The following LINGO2 variants were observed in gnomAD, a reference collection of about 807,000 sequenced individuals.
LINGO2 encodes leucine rich repeat and Ig domain containing 2, also known as leucine-rich repeat and immunoglobulin-like domain-containing nogo receptor-interacting protein 2.
LINGO2 carries 14 observed loss-of-function variants against 30.6 expected under a neutral mutation model. The ratio of observed to expected loss-of-function variants is 0.46; its 90% CI spans 0.30 to 0.72. The LOEUF (loss-of-function observed/expected upper bound fraction) is 0.72. Among genes scored for constraint, LINGO2 ranks in the 30% least tolerant of loss-of-function variants. The pLI, the probability that LINGO2 is intolerant of heterozygous loss-of-function variation, is 0.07. For missense variants in LINGO2, 729 were observed against 751.7 expected, an observed-to-expected ratio of 0.97 and a Z score of 0.35; for synonymous variants, 317 against 288.5, an observed-to-expected ratio of 1.10 and a Z score of -1.00.
At chr9:28,270,409 G>A (rs543816529) in intron 4 of LINGO2, among the ~76,000 whole-genome samples, 160 of 152,034 alleles carry the variant, frequency 1.1e-3, no homozygotes, top group African/African-American at 3.7e-3. Flanking sequence ...ATGACCACCC[G>A]GGGAAAGAAA....
At chr9:29,091,646 G>A in the LINGO2 span, among the ~76,000 whole-genome samples, 1 of 151,920 alleles carries the variant, frequency 6.6e-6, no homozygotes, top group Non-Finnish European at 1.5e-5. Flanking sequence ...GTACTTTACT[G>A]GAATTGGATA....
intron 4 of LINGO2, among the ~76,000 whole-genome samples, chr9:28,292,963 G>T (rs566422575): frequency 6.6e-6 from 1 of 151,774 alleles, no homozygotes; most frequent in Non-Finnish European, 1.5e-5. Flanking sequence ...TAGTAGAGAC[G>T]GGGTTTCACC....
chr9:28,254,731 AT>A (rs1344302185), intron 4 of LINGO2, among the ~76,000 whole-genome samples: 3 of 152,064 alleles, frequency 2.0e-5, no homozygotes, highest in Non-Finnish European at 4.4e-5. Flanking sequence ...TCAAACAACC[AT>A]TTTTTAAGCA....
At chr9:29,177,243 T>C in the LINGO2 span, among the ~76,000 whole-genome samples, 5 of 152,316 alleles carry the variant, frequency 3.3e-5, no homozygotes, top group African/African-American at 1.2e-4. Flanking sequence ...TTATAGCACT[T>C]CTAGATTACA....
At chr9:28,038,553 C>T (rs898540178) in intron 4 of LINGO2, among the ~76,000 whole-genome samples, 1 of 151,984 alleles carries the variant, frequency 6.6e-6, no homozygotes, top group African/African-American at 2.4e-5. Flanking sequence ...ATTAGCCGGG[C>T]GTAGTGGTGG....
At chr9:28,927,768 T>A in the LINGO2 span, among the ~76,000 whole-genome samples, 1 of 152,244 alleles carries the variant, frequency 6.6e-6, no homozygotes, top group Admixed American at 6.5e-5. Flanking sequence ...TTATATATGT[T>A]AATTCATTTC....
At chr9:28,931,539 T>G in the LINGO2 span, among the ~76,000 whole-genome samples, 702 of 152,306 alleles carry the variant, frequency 4.6e-3, 2 homozygotes, top group Non-Finnish European at 6.5e-3. Flanking sequence ...TCTGGGGCTG[T>G]ACTTTCCACA....
the LINGO2 span, among the ~76,000 whole-genome samples, chr9:28,685,503 G>T: frequency 2.6e-5 from 4 of 152,104 alleles, no homozygotes; most frequent in African/African-American, 7.2e-5. Context: ...CATAGAAAAA[G>T]ATGTGTTTCT....
At chr9:28,933,476 C>A in the LINGO2 span, among the ~76,000 whole-genome samples, 1 of 151,548 alleles carries the variant, frequency 6.6e-6, no homozygotes, top group South Asian at 2.1e-4. Context: ...TTTCCCGGAG[C>A]TTTCAGATTT....
chr9:28,393,771 T>G (rs1164443917), intron 2 of LINGO2, among the ~76,000 whole-genome samples: 1 of 152,202 alleles, frequency 6.6e-6, no homozygotes, highest in Non-Finnish European at 1.5e-5. Flanking sequence ...GAGTTTGGTC[T>G]GCCCCAGTAT....
chr9:29,116,389 T>C, the LINGO2 span, among the ~76,000 whole-genome samples: 1 of 152,286 alleles, frequency 6.6e-6, no homozygotes, highest in Admixed American at 6.5e-5. Context: ...ATTTTAAAGA[T>C]AAAATCTTCC....
At chr9:29,097,315 CT>C in the LINGO2 span, among the ~76,000 whole-genome samples, 7,588 of 137,678 alleles carry the variant, frequency 0.055, 1,455 homozygotes, top group Non-Finnish European at 0.083. Context: ...TAGTTTTAAT[CT>C]TTTTTTGATG....
the LINGO2 span, among the ~76,000 whole-genome samples, chr9:29,122,800 G>A: frequency 3.3e-5 from 5 of 152,010 alleles, no homozygotes; most frequent in Admixed American, 6.6e-5. Context: ...AACAGCTCAC[G>A]TTCAACACAG....
intron 1 of LINGO2, among the ~76,000 whole-genome samples, chr9:28,496,273 C>T (rs879573088): frequency 3.0e-4 from 46 of 151,938 alleles, no homozygotes; most frequent in African/African-American, 1.0e-3. Flanking sequence ...TAAAGTCTCC[C>T]GTTATTATTG....
At chr9:28,565,144 A>G (rs1421056830) in intron 1 of LINGO2, among the ~76,000 whole-genome samples, 3 of 152,156 alleles carry the variant, frequency 2.0e-5, no homozygotes, top group Non-Finnish European at 4.4e-5. Flanking sequence ...TTTTGAGTTT[A>G]ATTTATAATA....
chr9:28,736,493 C>T, the LINGO2 span, among the ~76,000 whole-genome samples: 5 of 152,036 alleles, frequency 3.3e-5, no homozygotes, highest in Admixed American at 6.6e-5. Flanking sequence ...GATGATTAAA[C>T]AATAAAACAT....
At chr9:28,051,672 A>C (rs1824680887) in intron 4 of LINGO2, among the ~76,000 whole-genome samples, 1 of 152,108 alleles carries the variant, frequency 6.6e-6, no homozygotes. Context: ...GCCTAGGATT[A>C]AGCTAGATTC....
In LINGO2 at chr9:28,022,995, T is replaced by C. The variant is rs142288122; in HGVS notation, c.-86-10590A>G. Reference sequence around the variant, plus strand: ...CTCAAAGACATTTTTCATTCTATTTTTTATTTCTAGCATTTTGATTCTTTC... The same window carrying C: ...CTCAAAGACATTTTTCATTCTATTTCTTATTTCTAGCATTTTGATTCTTTC... On this transcript the variant is annotated intron_variant, in intron 4 of 5. Coordinates refer to ENST00000379992, the Ensembl canonical transcript of LINGO2. Among the ~76,000 whole-genome samples, 235 of 152,226 alleles carry C rather than the reference T, an allele frequency of 1.5e-3. 2 individuals carry two copies. Among genetic ancestry groups the C allele is most frequent in the Non-Finnish European group, 5.4e-4 (37 of 67,996 alleles).
intron 1 of LINGO2, among the ~76,000 whole-genome samples, chr9:28,556,091 A>C (rs569358651): frequency 6.6e-6 from 1 of 152,208 alleles, no homozygotes; most frequent in East Asian, 1.9e-4. Context: ...GGCACAAGAC[A>C]GGGATGCCCT....
Sources: gnomAD v4.1 joint callset for allele counts (sites outside exome capture counted in the v4.1 genomes callset) on GRCh38, gnomAD v4.1.1 for gene constraint, MANE v1.5 for transcripts, NCBI Gene and HGNC (gene_info 2026-07-23, HGNC 2026-07-21) for gene names.